FHOD3: variants seen among roughly 807,000 people sequenced by gnomAD.
FHOD3 encodes the protein formin homology 2 domain containing 3, also known as FH1/FH2 domain-containing protein 3.
In FHOD3, 90 loss-of-function variants were observed where a neutral mutation model predicts 173.0. That is an observed-to-expected ratio of 0.52 (90% confidence interval 0.44 to 0.62). The LOEUF (loss-of-function observed/expected upper bound fraction) is 0.62. Ranked by LOEUF, FHOD3 falls within the 20% of genes least tolerant of loss-of-function variation. FHOD3 has a pLI of 0.00. For synonymous variants in FHOD3, 828 were observed against 823.0 expected (o/e 1.01, Z -0.10); for missense variants, 1,945 against 2,034.7 (o/e 0.96, Z 0.85).
At chr18:36,502,886 A>T (rs1402330646) in intron 4 of FHOD3, among the ~76,000 whole-genome samples, 1 of 152,100 alleles carries the variant, frequency 6.6e-6, no homozygotes, top group Non-Finnish European at 1.5e-5. Flanking sequence ...TATATATCCT[A>T]CTTCTGCTTA....
intron 14 of FHOD3, among the ~76,000 whole-genome samples, chr18:36,663,445 A>G (rs887539670): frequency 1.3e-5 from 2 of 152,124 alleles, no homozygotes; most frequent in Admixed American, 1.3e-4. Flanking sequence ...TGGCTTTACC[A>G]CTTTCTTCAT....
chr18:36,362,437 C>T (rs1477340821), intron 2 of FHOD3, among the ~76,000 whole-genome samples: 1 of 152,052 alleles, frequency 6.6e-6, no homozygotes, highest in East Asian at 1.9e-4. Flanking sequence ...ACAGTGGAGG[C>T]AATTTTGAAA....
intron 6 of FHOD3, among the ~76,000 whole-genome samples, chr18:36,588,527 A>G (rs1176632575): frequency 2.0e-5 from 3 of 152,194 alleles, no homozygotes; most frequent in Non-Finnish European, 4.4e-5. Flanking sequence ...ATGGTTTTCC[A>G]ACCCCCTTTG....
intron 1 of FHOD3, among the ~76,000 whole-genome samples, chr18:36,347,991 G>A (rs1214525473): frequency 6.6e-6 from 1 of 152,224 alleles, no homozygotes; most frequent in Non-Finnish European, 1.5e-5. Context: ...ACCTCAGAGT[G>A]CGTGCCCTGT....
intron 1 of FHOD3, among the ~76,000 whole-genome samples, chr18:36,300,799 T>A (rs1365395812): frequency 3.3e-5 from 5 of 152,132 alleles, no homozygotes; most frequent in Admixed American, 2.6e-4. Context: ...AGTGCAGTGG[T>A]GTGATCATGG....
chr18:36,340,814 T>G (rs537768139), intron 1 of FHOD3, among the ~76,000 whole-genome samples: 2 of 152,036 alleles, frequency 1.3e-5, no homozygotes, highest in Admixed American at 6.6e-5. Context: ...TTTTTTTGTA[T>G]TTTTAGTAGA....
intron 16 of FHOD3, among the ~76,000 whole-genome samples, chr18:36,692,638 C>T (rs1199975686): frequency 1.3e-5 from 2 of 152,298 alleles, no homozygotes; most frequent in African/African-American, 2.4e-5. Flanking sequence ...GATTCCTACT[C>T]AGAAATATTT....
chr18:36,691,916 A>G (rs1250830541), intron 16 of FHOD3, among the ~76,000 whole-genome samples: 1 of 152,234 alleles, frequency 6.6e-6, no homozygotes, highest in South Asian at 2.1e-4. Context: ...GAAAACAGAC[A>G]TACACATGTG....
chr18:36,385,025 A>G (rs942244387), intron 3 of FHOD3, among the ~76,000 whole-genome samples: 4 of 152,160 alleles, frequency 2.6e-5, no homozygotes, highest in Non-Finnish European at 5.9e-5. Flanking sequence ...TGTCTGATCT[A>G]TTTGTAGAGT....
intron 1 of FHOD3, among the ~76,000 whole-genome samples, chr18:36,340,762 G>A (rs528172106): frequency 1.3e-4 from 20 of 151,538 alleles, no homozygotes; most frequent in African/African-American, 4.8e-4. Context: ...TCAGCCTCCC[G>A]AGTAGCTGGG....
intron 10 of FHOD3, among the ~76,000 whole-genome samples, chr18:36,634,721 G>GTAC (rs2034759034): frequency 6.6e-6 from 1 of 152,172 alleles, no homozygotes; most frequent in South Asian, 2.1e-4. Context: ...GATGGTACCT[G>GTAC]TACTCCTTAA....
Position 36,708,117 on chromosome 18 carries a change from T to G in FHOD3, c.2237-978T>G, listed in dbSNP as rs542000203. The stretch of plus-strand genomic sequence containing the variant: ...AATTTTAAAAAAGCATAAGCCAGAT[T>G]GTGCCATTTCCCTGTTCCCTAGAGT... On this transcript the variant is annotated intron_variant, in intron 17 of 28. Transcript: ENST00000590592. 7.9e-5 allele frequency among the ~76,000 whole-genome samples: 12 copies of G among 152,274 alleles called. No individual in the cohort carries two copies. In the East Asian group the frequency reaches 2.3e-3, roughly 29 times the overall value.
At chr18:36,633,658 A>T (rs1267561075) in intron 10 of FHOD3, among the ~76,000 whole-genome samples, 1 of 152,196 alleles carries the variant, frequency 6.6e-6, no homozygotes, top group Non-Finnish European at 1.5e-5. Flanking sequence ...CATAGCCTGC[A>T]CTCAGAACCT....
At chr18:36,551,032 A>T (rs946508227) in intron 5 of FHOD3, among the ~76,000 whole-genome samples, 1 of 152,192 alleles carries the variant, frequency 6.6e-6, no homozygotes. Flanking sequence ...TCCATTAAGT[A>T]TGATGTTATC....
chr18:36,529,661 A>G (rs1245977140), intron 5 of FHOD3, among the ~76,000 whole-genome samples: 1 of 151,978 alleles, frequency 6.6e-6, no homozygotes, highest in African/African-American at 2.4e-5. Flanking sequence ...TCTACTAAAA[A>G]TGGTGGTGAG....
chr18:36,714,231 G>A (rs2149722479), intron 18 of FHOD3, among the ~76,000 whole-genome samples: 1 of 152,200 alleles, frequency 6.6e-6, no homozygotes, highest in East Asian at 1.9e-4. Context: ...AAGAAAACTG[G>A]CATTTTAAAA....
At chr18:36,676,918 A>G (rs1311705565) in intron 14 of FHOD3, among the ~76,000 whole-genome samples, 1 of 152,098 alleles carries the variant, frequency 6.6e-6, no homozygotes, top group Non-Finnish European at 1.5e-5. Context: ...TGTAGTTTAT[A>G]TATGTTACAA....
chr18:36,693,409 C>T lies in FHOD3; in HGVS notation c.2222C>T (p.Pro741Leu), dbSNP rs376385732. 1.5e-5 allele frequency: 25 copies of T among 1,613,564 alleles called. No homozygotes were observed. The African/African-American group carries it at 1.7e-4, about 11-fold the overall frequency. Reference protein sequence around the residue: ...LTVSASSPGTPHHPQASAGDP... With the variant: ...LTVSASSPGTLHHPQASAGDP... The stretch of plus-strand genomic sequence containing the variant: ...GTGTCTGCCTCCTCCCCAGGAACCC[C>T]TCACCATCCCCAAGGTGAGTACAGG... The change falls in exon 17 of 29, where the codon CCT becomes CTT. Residue 741 changes from proline (P) to leucine (L), a missense_variant. Transcript: ENST00000590592.
intron 3 of FHOD3, among the ~76,000 whole-genome samples, chr18:36,484,413 C>T (rs2054086174): frequency 6.6e-6 from 1 of 152,172 alleles, no homozygotes; most frequent in Non-Finnish European, 1.5e-5. Flanking sequence ...CTTGAAATTC[C>T]TTTTTGGTTC....
Sources: allele counts gnomAD v4.1 joint callset (sites outside exome capture counted in the v4.1 genomes callset), GRCh38; gene constraint gnomAD v4.1.1; transcripts MANE v1.5; gene names NCBI Gene and HGNC (gene_info 2026-07-23, HGNC 2026-07-21).